ARSG: variants seen among roughly 807,000 people sequenced by gnomAD.
ARSG encodes the protein arylsulfatase G.
ARSG carries 37 observed loss-of-function variants against 50.5 expected under a neutral mutation model. That is an observed-to-expected ratio of 0.73 (90% confidence interval 0.56 to 0.96). The LOEUF (loss-of-function observed/expected upper bound fraction) is 0.96. Among genes scored for constraint, ARSG ranks in the 50% least tolerant of loss-of-function variants. The pLI is 0.00. For synonymous variants in ARSG, 225 were observed against 254.6 expected, an observed-to-expected ratio of 0.88 and a Z score of 1.11; for missense variants, 629 against 675.3, an observed-to-expected ratio of 0.93 and a Z score of 0.76.
intron 2 of ARSG, among the ~76,000 whole-genome samples, chr17:68,324,485 C>T (rs576207043): frequency 1.6e-4 from 24 of 152,292 alleles, no homozygotes; most frequent in Non-Finnish European, 3.4e-4. Context: ...GACAACCTTC[C>T]CTCGCGTGGC....
rs1423502186 is a variant in ARSG, at chr17:68,358,624, G to A, written c.704+1820G>A. ...GAATCACTTGAGCCCGGGAGGTGGA[G>A]GTTGCAGTGAGCCCAGATTGTGCCA... On this transcript the variant is annotated intron_variant, in intron 6 of 11. Transcript: ENST00000621439. Among the ~76,000 whole-genome samples the A allele has an allele frequency of 2.6e-5, 4 of 152,186 alleles. No individual in the cohort carries two copies. The East Asian group carries it at 7.7e-4, about 29-fold the overall frequency.
chr17:68,451,576 T>C, the ARSG span, among the ~76,000 whole-genome samples: 2 of 152,228 alleles, frequency 1.3e-5, no homozygotes, highest in Non-Finnish European at 2.9e-5. Flanking sequence ...GTTTGGAATA[T>C]TTGAACAATT....
intron 2 of ARSG, among the ~76,000 whole-genome samples, chr17:68,309,715 C>T (rs1053655123): frequency 1.2e-4 from 18 of 151,696 alleles, no homozygotes; most frequent in African/African-American, 3.1e-4. Context: ...AAAATGTAGC[C>T]GGGCGCAGTG....
intron 11 of ARSG, among the ~76,000 whole-genome samples, chr17:68,417,127 T>C (rs1012761355): frequency 1.3e-5 from 2 of 152,164 alleles, no homozygotes; most frequent in Non-Finnish European, 2.9e-5. Flanking sequence ...CTTAGTAGTT[T>C]TGGTGAGCCT....
At chr17:68,418,023 C>T (rs2082503658) in intron 11 of ARSG, among the ~76,000 whole-genome samples, 2 of 152,076 alleles carry the variant, frequency 1.3e-5, no homozygotes, top group Admixed American at 1.3e-4. Flanking sequence ...AGCCACCACA[C>T]CCGGCTGAGT....
At chr17:68,450,942 C>A in the ARSG span, 1 of 1,576,806 alleles carries the variant, frequency 6.3e-7, no homozygotes, top group Non-Finnish European at 8.6e-7. Flanking sequence ...TGATCACTTC[C>A]AAGAAGGATT....
chr17:68,346,738 T>C, intron 3 of ARSG: 4 of 1,271,212 alleles, frequency 3.1e-6, no homozygotes, highest in Non-Finnish European at 4.1e-6. Flanking sequence ...TGTGGGGCGG[T>C]GCACCTGCAC....
intron 1 of ARSG, among the ~76,000 whole-genome samples, chr17:68,261,265 A>G (rs188468506): frequency 1.7e-3 from 262 of 152,344 alleles, no homozygotes; most frequent in African/African-American, 6.1e-3. Flanking sequence ...AGCACCGCCT[A>G]CTGGGTGCCA....
At chr17:68,432,382 A>G in the ARSG span, among the ~76,000 whole-genome samples, 2 of 152,230 alleles carry the variant, frequency 1.3e-5, no homozygotes, top group Non-Finnish European at 2.9e-5. Flanking sequence ...AGGGCAAGTC[A>G]GAGAAATCTT....
At chr17:68,291,386 C>T (rs2075982473), upstream of ARSG, 1 of 148,776 alleles carries the variant, frequency 6.7e-6, no homozygotes, top group South Asian at 2.2e-4. Flanking sequence ...TAGCTCTTAT[C>T]CTATACCGGC....
chr17:68,417,554 T>C (rs1451303558), intron 11 of ARSG, among the ~76,000 whole-genome samples: 1 of 151,810 alleles, frequency 6.6e-6, no homozygotes, highest in Non-Finnish European at 1.5e-5. Flanking sequence ...CAGCAATTTG[T>C]CAATTACAGT....
intron 1 of ARSG, among the ~76,000 whole-genome samples, chr17:68,304,357 G>A (rs2076528785): frequency 6.6e-6 from 1 of 152,238 alleles, no homozygotes; most frequent in Non-Finnish European, 1.5e-5. Context: ...AATTGAGTTT[G>A]AGATAATACA....
chr17:68,446,984 G>A, the ARSG span, among the ~76,000 whole-genome samples: 4 of 152,226 alleles, frequency 2.6e-5, no homozygotes, highest in East Asian at 1.9e-4. Flanking sequence ...GGGTGGGCAC[G>A]ATGCTGCTGA....
intron 8 of ARSG, among the ~76,000 whole-genome samples, chr17:68,379,585 T>C (rs751778978): frequency 9.9e-5 from 15 of 152,058 alleles, no homozygotes; most frequent in Non-Finnish European, 1.9e-4. Context: ...GCTGAAAGCC[T>C]GCTTCTTTAG....
At chr17:68,281,126 CAAAA>C (rs782776858) in intron 1 of ARSG, among the ~76,000 whole-genome samples, 2 of 72,906 alleles carry the variant, frequency 2.7e-5, no homozygotes, top group Admixed American at 1.5e-4. Context: ...ACTCTGCCTC[CAAAA>C]AAAAAAAAAA....
chr17:68,307,125 G>T lies in ARSG; in HGVS notation c.-369G>T. ...CTGTGGCTCTGAGGCCCTGAATACAGAAGGGTCACTTTCTTAGTGGCCAAA... is the reference window on the plus strand; with the variant it reads ...CTGTGGCTCTGAGGCCCTGAATACATAAGGGTCACTTTCTTAGTGGCCAAA... On this transcript the variant is annotated 5_prime_UTR_variant, in exon 2 of 12. Coordinates refer to ENST00000621439, the MANE Select transcript of ARSG (RefSeq NM_001267727.2). 4.6e-6 allele frequency: 1 copy of T among 216,530 alleles called. No homozygotes were observed. Among genetic ancestry groups the T allele is most frequent in the South Asian group, 7.8e-5 (1 of 12,762 alleles). 13.4% of individuals were successfully genotyped at this position (216,530 alleles called of 1,614,324 possible).
chr17:68,288,425 A>G (rs1297717740), upstream of ARSG, among the ~76,000 whole-genome samples: 1 of 152,078 alleles, frequency 6.6e-6, no homozygotes, highest in African/African-American at 2.4e-5. Context: ...CAGAATATAA[A>G]AGTTTATCTG....
At chr17:68,319,432 T>C (rs1463081756) in intron 2 of ARSG, among the ~76,000 whole-genome samples, 1 of 152,190 alleles carries the variant, frequency 6.6e-6, no homozygotes, top group African/African-American at 2.4e-5. Flanking sequence ...AGGTAAGTGC[T>C]GAACAAAAGG....
chr17:68,354,884 A>C (rs1378285879), intron 5 of ARSG, among the ~76,000 whole-genome samples: 1 of 152,120 alleles, frequency 6.6e-6, no homozygotes, highest in Non-Finnish European at 1.5e-5. Flanking sequence ...AACAAAACAA[A>C]AATTGTGGTT....
Sources: allele counts gnomAD v4.1 joint callset (sites outside exome capture counted in the v4.1 genomes callset), GRCh38; gene constraint gnomAD v4.1.1; transcripts MANE v1.5; gene names NCBI Gene and HGNC (gene_info 2026-07-23, HGNC 2026-07-21).